ESRRB: variants seen among roughly 807,000 people sequenced by gnomAD.
The protein encoded by ESRRB is steroid hormone receptor ERR2.
Under a neutral mutation model 46.0 loss-of-function variants are expected in ESRRB, and 16 were observed. The observed-to-expected ratio is 0.35, with a 90% CI of 0.24 to 0.53. The LOEUF is 0.53. Ranked by LOEUF, ESRRB falls within the 20% of genes least tolerant of loss-of-function variation. ESRRB has a pLI of 0.93. For missense variants in ESRRB, 488 were observed against 607.4 expected (o/e 0.80, Z 2.07); for synonymous variants, 246 against 259.6 (o/e 0.95, Z 0.50).
At chr14:76,421,675 GCA>G (rs1886960804) in intron 1 of ESRRB, among the ~76,000 whole-genome samples, 1 of 152,174 alleles carries the variant, frequency 6.6e-6, no homozygotes, top group South Asian at 2.1e-4. Context: ...AGCAGCAGGG[GCA>G]CTGAGGTCCC....
chr14:76,486,470 C>T (rs1041256779), intron 5 of ESRRB, among the ~76,000 whole-genome samples: 1 of 152,202 alleles, frequency 6.6e-6, no homozygotes, highest in African/African-American at 2.4e-5. Context: ...TTACATCTCC[C>T]TTTATTACCT....
intron 1 of ESRRB, among the ~76,000 whole-genome samples, chr14:76,417,052 G>A (rs1390546615): frequency 1.3e-5 from 2 of 152,068 alleles, no homozygotes; most frequent in Non-Finnish European, 2.9e-5. Context: ...CAGGAGAATC[G>A]CTTGAACCCA....
chr14:76,354,743 CT>C (rs1452058450), intron 1 of ESRRB, among the ~76,000 whole-genome samples: 1 of 129,994 alleles, frequency 7.7e-6, no homozygotes, highest in Non-Finnish European at 1.6e-5. Context: ...GAGTTTTGCT[CT>C]TGTTGCCCAG....
At chr14:76,424,539 G>T (rs1221301662) in intron 1 of ESRRB, among the ~76,000 whole-genome samples, 3 of 152,168 alleles carry the variant, frequency 2.0e-5, no homozygotes, top group Admixed American at 6.5e-5. Context: ...GAATGCACAG[G>T]GGGCAGCAGT....
chr14:76,371,643 C>G (rs1884627482), upstream of ESRRB: 1 of 152,222 alleles, frequency 6.6e-6, no homozygotes, highest in Non-Finnish European at 1.5e-5. Flanking sequence ...CACCTGGAAG[C>G]TTGGCTTCAG....
intron 1 of ESRRB, among the ~76,000 whole-genome samples, chr14:76,333,135 T>TTATATATTATATATTATATATAA (rs1884070612): frequency 2.7e-4 from 2 of 7,316 alleles, no homozygotes; most frequent in African/African-American, 8.4e-4. Context: ...ATATTATATA[T>TTATATATTATATATTATATATAA]TATATATTAT....
At chr14:76,434,667 A>AAAAAG (rs1566896335) in intron 1 of ESRRB, among the ~76,000 whole-genome samples, 1 of 151,806 alleles carries the variant, frequency 6.6e-6, no homozygotes, top group African/African-American at 2.4e-5. Context: ...CTCAAAAAAA[A>AAAAAG]AAAAGAAAAG....
At chr14:76,334,688 C>T (rs1016894731) in intron 1 of ESRRB, among the ~76,000 whole-genome samples, 9 of 152,200 alleles carry the variant, frequency 5.9e-5, no homozygotes, top group Non-Finnish European at 1.2e-4. Flanking sequence ...GATGTCTCCC[C>T]AACTTCAGAG....
intron 1 of ESRRB, among the ~76,000 whole-genome samples, chr14:76,358,912 A>C (rs61979376): frequency 0.2 from 29,861 of 152,168 alleles, 3,667 homozygotes; most frequent in Non-Finnish European, 0.28. Context: ...CGCTTGTGAA[A>C]ACACAGATTG....
At chr14:76,325,532 G>A (rs767492753) in intron 1 of ESRRB, among the ~76,000 whole-genome samples, 11 of 152,108 alleles carry the variant, frequency 7.2e-5, no homozygotes, top group Non-Finnish European at 1.3e-4. Context: ...AGTTCTTCTC[G>A]TATTAATGCA....
intron 1 of ESRRB, among the ~76,000 whole-genome samples, chr14:76,358,453 G>A (rs1225641817): frequency 4.0e-5 from 6 of 150,490 alleles, no homozygotes; most frequent in Admixed American, 3.9e-4. Flanking sequence ...GATGGGGCAG[G>A]GGTGGGATTA....
chr14:76,424,408 T>C (rs1204518384), intron 1 of ESRRB, among the ~76,000 whole-genome samples: 2 of 152,162 alleles, frequency 1.3e-5, no homozygotes, highest in Non-Finnish European at 2.9e-5. Flanking sequence ...TGATCCCCTT[T>C]CTTGGACCCT....
rs1887837404 is a variant in ESRRB at position 76,439,713 on chromosome 14, C to T, written c.423C>T (p.Cys141=). 1.9e-6 allele frequency: 3 copies of T among 1,614,096 alleles called. No homozygotes were observed. The highest frequency in any genetic ancestry group is 2.7e-5 in the African/African-American group (2 of 75,058). The stretch of plus-strand genomic sequence containing the variant: ...GCTACCACTACGGCGTGGCCTCCTG[C>T]GAGGCTTGCAAGGCCTTCTTCAAGA... ...ASGYHYGVAS[C]EACKAFFKRT... The change falls in exon 2 of 7, where the codon TGC becomes TGT. Residue 141 remains cysteine (C), a synonymous_variant. Coordinates refer to ENST00000644823, the MANE Select transcript of ESRRB (RefSeq NM_001379180.1).
In ESRRB at chr14:76,376,470, G is replaced by C. The variant is rs1310765759; in HGVS notation, c.50+19G>C. The stretch of plus-strand genomic sequence containing the variant: ...ACAACCAGTAGGTGCCCTGCTTCTC[G>C]GTCTGTCTGTCCTTCTGCCCGTCTG... On this transcript the variant is annotated intron_variant, in intron 1 of 6. Coordinates refer to ENST00000644823, the MANE Select transcript of ESRRB (RefSeq NM_001379180.1). This position sits in a 1 kb window ranked among gnomAD's most constrained non-coding sequence, Gnocchi z 4.1. The C allele has an allele frequency of 9.7e-6, 12 of 1,230,978 alleles. No individual in the cohort carries two copies. The African/African-American group carries it at 1.7e-4, about 18-fold the overall frequency. The allele number at this position is 1,230,978 out of a possible 1,614,324, so 76.3% of individuals were successfully genotyped here. A position where few individuals can be genotyped will look rare whatever the true frequency, so the allele number is the denominator to read the frequency against.
intron 1 of ESRRB, among the ~76,000 whole-genome samples, chr14:76,387,469 A>G (rs1408518246): frequency 1.3e-5 from 2 of 152,194 alleles, no homozygotes; most frequent in African/African-American, 2.4e-5. Flanking sequence ...GGGTGAGCTC[A>G]GGACCCTGGC....
At chr14:76,407,220 A>G (rs1886226114) in intron 1 of ESRRB, among the ~76,000 whole-genome samples, 1 of 152,226 alleles carries the variant, frequency 6.6e-6, no homozygotes, top group South Asian at 2.1e-4. Flanking sequence ...GGCAGAGACC[A>G]GCGATCTGAA....
intron 1 of ESRRB, among the ~76,000 whole-genome samples, chr14:76,342,762 C>T (rs137885533): frequency 2.1e-3 from 317 of 152,322 alleles, no homozygotes; most frequent in African/African-American, 7.5e-3. Context: ...CTTATAGGAA[C>T]TTGACAAATA....
intron 3 of ESRRB, among the ~76,000 whole-genome samples, chr14:76,478,842 C>T (rs145705452): frequency 6.6e-6 from 1 of 152,176 alleles, no homozygotes; most frequent in African/African-American, 2.4e-5. Context: ...AAGAATCATC[C>T]TTCCTGTGTT....
At chr14:76,311,277 A>C (rs1883730272) in intron 1 of ESRRB, among the ~76,000 whole-genome samples, 2 of 152,206 alleles carry the variant, frequency 1.3e-5, no homozygotes, top group Non-Finnish European at 2.9e-5. Context: ...GCAGCTCAGC[A>C]GGGTAGCGAT....
Sources: allele counts gnomAD v4.1 joint callset (sites outside exome capture counted in the v4.1 genomes callset), GRCh38; gene constraint gnomAD v4.1.1; non-coding constraint Gnocchi (gnomAD v3.1); transcripts MANE v1.5; gene names NCBI Gene and HGNC (gene_info 2026-07-23, HGNC 2026-07-21).